Variants in GTF2F2 observed in about 807,000 individuals in gnomAD.
GTF2F2 encodes general transcription factor IIF subunit 2.
GTF2F2 carries 23 observed loss-of-function variants against 42.2 expected under a neutral mutation model. That is an observed-to-expected ratio of 0.55 (90% confidence interval 0.39 to 0.77). The LOEUF is 0.77. Ranked by LOEUF, GTF2F2 falls within the 30% of genes least tolerant of loss-of-function variation. The probability of loss-of-function intolerance (pLI) is 0.00; values close to 1 mark genes in which losing one functional copy is unlikely to be tolerated. For synonymous variants in GTF2F2, 105 were observed against 100.8 expected, an observed-to-expected ratio of 1.04 and a Z score of -0.25; for missense variants, 261 against 287.2, an observed-to-expected ratio of 0.91 and a Z score of 0.66.
intron 4 of GTF2F2, chr13:45,194,788 A>G: frequency 1.8e-6 from 1 of 555,470 alleles, no homozygotes; most frequent in Admixed American, 3.3e-5. Flanking sequence ...TTTGCATTTA[A>G]CTGTATCAGG....
chr13:45,235,562 G>A (rs942212476), intron 5 of GTF2F2, among the ~76,000 whole-genome samples: 8 of 150,850 alleles, frequency 5.3e-5, no homozygotes, highest in African/African-American at 2.4e-5. Context: ...AGTAAAATTT[G>A]AAATTATGTC....
intron 5 of GTF2F2, among the ~76,000 whole-genome samples, chr13:45,232,994 A>G (rs1874765309): frequency 6.6e-6 from 1 of 152,214 alleles, no homozygotes; most frequent in Admixed American, 6.5e-5. Flanking sequence ...ATCTGTTACA[A>G]AATTTGTAAA....
At chr13:45,199,725 A>G (rs1467584040) in intron 4 of GTF2F2, among the ~76,000 whole-genome samples, 1 of 152,224 alleles carries the variant, frequency 6.6e-6, no homozygotes, top group Non-Finnish European at 1.5e-5. Context: ...ATTATCTACA[A>G]TCTCAAAATG....
chr13:45,204,063 A>C (rs910879404), intron 4 of GTF2F2, among the ~76,000 whole-genome samples: 3 of 152,200 alleles, frequency 2.0e-5, no homozygotes, highest in African/African-American at 4.8e-5. Flanking sequence ...AATATGGTAG[A>C]TATCAGCAGT....
At chr13:45,127,878 G>T (rs1022464721) in intron 1 of GTF2F2, among the ~76,000 whole-genome samples, 3 of 130,234 alleles carry the variant, frequency 2.3e-5, no homozygotes, top group African/African-American at 8.9e-5. Context: ...TGATCTGCCC[G>T]CCTCAGCCTC....
Position 45,270,527 on chromosome 13 carries a change from T to C in GTF2F2, c.630+3151T>C, listed in dbSNP as rs568712145. ...CTCCCTCTTTTTATAAAGCCACCAATTTCACTCCCATGATAACCCATTAAT... is the reference window on the plus strand; with the variant it reads ...CTCCCTCTTTTTATAAAGCCACCAACTTCACTCCCATGATAACCCATTAAT... On this transcript the variant is annotated intron_variant, in intron 7 of 7. Transcript: ENST00000340473. 3.9e-5 allele frequency among the ~76,000 whole-genome samples: 6 copies of C among 152,170 alleles called. No homozygotes were observed. In the South Asian group the frequency reaches 1.2e-3, roughly 32 times the overall value.
chr13:45,187,597 G>A (rs986887909), intron 4 of GTF2F2, among the ~76,000 whole-genome samples: 5 of 151,900 alleles, frequency 3.3e-5, no homozygotes, highest in Non-Finnish European at 5.9e-5. Context: ...TTCCTTTACC[G>A]CCACTCCCTT....
intron 7 of GTF2F2, among the ~76,000 whole-genome samples, chr13:45,282,356 A>G (rs201467434): frequency 1.3e-5 from 2 of 152,306 alleles, no homozygotes; most frequent in East Asian, 3.9e-4. Context: ...TAACATAGCC[A>G]TCATTTCCAT....
At position 45,238,166 on chromosome 13, in the gene GTF2F2, G is replaced by T. The variant is rs531201888; in HGVS notation, c.387-14705G>T. The stretch of plus-strand genomic sequence containing the variant: ...GAAGAGGTTTCACCATGTTGGCCAG[G>T]CTGGTCTTAAACTCCCAACCTCAGG... On this transcript the variant is annotated intron_variant, in intron 5 of 7. Coordinates refer to ENST00000340473, the MANE Select transcript of GTF2F2 (RefSeq NM_004128.3). 5.3e-5 allele frequency among the ~76,000 whole-genome samples: 8 copies of T among 152,240 alleles called. No homozygotes were observed. In the South Asian group the frequency reaches 1.0e-3, roughly 20 times the overall value.
At chr13:45,269,977 G>A (rs1050582795) in intron 7 of GTF2F2, among the ~76,000 whole-genome samples, 1 of 151,906 alleles carries the variant, frequency 6.6e-6, no homozygotes, top group African/African-American at 2.4e-5. Flanking sequence ...GATTATAGGC[G>A]CCCACCACCA....
At position 45,231,127 on chromosome 13, in the gene GTF2F2, A is replaced by T. The variant is rs534824305; in HGVS notation, c.387-21744A>T. ...ATTTATTATTTATTTATTAATTTTG[A>T]GACGGAGTCTCGCTCTGTCACCCAG... is the stretch of plus-strand genomic sequence containing the variant. On this transcript the variant is annotated intron_variant, in intron 5 of 7. Transcript: ENST00000340473. Among the ~76,000 whole-genome samples the T allele has an allele frequency of 1.6e-3, 236 of 151,748 alleles. 1 individual carries two copies. Among genetic ancestry groups the T allele is most frequent in the Non-Finnish European group, 3.0e-3 (201 of 67,954 alleles).
intron 5 of GTF2F2, among the ~76,000 whole-genome samples, chr13:45,215,140 A>G (rs907406991): frequency 9.2e-5 from 14 of 152,248 alleles, no homozygotes; most frequent in Non-Finnish European, 1.6e-4. Context: ...GAGCACTGGC[A>G]TGATGTTCAG....
At chr13:45,140,353 T>C (rs1211271481) in intron 2 of GTF2F2, among the ~76,000 whole-genome samples, 1 of 152,210 alleles carries the variant, frequency 6.6e-6, no homozygotes, top group African/African-American at 2.4e-5. Flanking sequence ...CAAGGAATGA[T>C]TGAGTATATG....
At chr13:45,250,852 T>C (rs544877736) in intron 5 of GTF2F2, among the ~76,000 whole-genome samples, 15 of 152,302 alleles carry the variant, frequency 9.8e-5, no homozygotes, top group Non-Finnish European at 1.9e-4. Flanking sequence ...TTCTCAGTCT[T>C]AGCAAGAAAA....
chr13:45,277,347 G>A (rs927473123), intron 7 of GTF2F2, among the ~76,000 whole-genome samples: 1 of 152,158 alleles, frequency 6.6e-6, no homozygotes. Flanking sequence ...CAGTCATGGT[G>A]GAAGCATGTC....
intron 1 of GTF2F2, among the ~76,000 whole-genome samples, chr13:45,129,786 C>G (rs1254023233): frequency 1.3e-5 from 2 of 152,260 alleles, no homozygotes; most frequent in East Asian, 3.9e-4. Flanking sequence ...TAAACAAATA[C>G]ATTTAAAGCA....
At chr13:45,280,321 A>T (rs1877208960) in intron 7 of GTF2F2, among the ~76,000 whole-genome samples, 1 of 152,204 alleles carries the variant, frequency 6.6e-6, no homozygotes. Context: ...AGACAGAGGA[A>T]GGACATGTGC....
chr13:45,173,954 T>C (rs1443014260), intron 4 of GTF2F2, among the ~76,000 whole-genome samples: 2 of 152,318 alleles, frequency 1.3e-5, no homozygotes, highest in South Asian at 2.1e-4. Context: ...ATAACTGTTA[T>C]GTAAACAAGT....
At chr13:45,201,911 T>C (rs1873204654) in intron 4 of GTF2F2, among the ~76,000 whole-genome samples, 1 of 152,164 alleles carries the variant, frequency 6.6e-6, no homozygotes. Context: ...GGCAAGACCA[T>C]GTCCTTCTAG....
Sources: gnomAD v4.1 joint callset for allele counts (sites outside exome capture counted in the v4.1 genomes callset) on GRCh38, gnomAD v4.1.1 for gene constraint, MANE v1.5 for transcripts, NCBI Gene and HGNC (gene_info 2026-07-23, HGNC 2026-07-21) for gene names.